KAZN: variants seen among roughly 807,000 people sequenced by gnomAD.
KAZN encodes the protein kazrin, periplakin interacting protein.
A neutral mutation model predicts 87.4 loss-of-function variants in KAZN; 40 were observed. The ratio of observed to expected loss-of-function variants is 0.46; its 90% CI spans 0.36 to 0.60. The LOEUF is 0.60. Among genes scored for constraint, KAZN ranks in the 20% least tolerant of loss-of-function variants. The pLI is 0.00. For missense variants in KAZN, 898 were observed against 1,073.9 expected (o/e 0.84, Z 2.29); for synonymous variants, 466 against 458.3 (o/e 1.02, Z -0.22).
intron 1 of KAZN, among the ~76,000 whole-genome samples, chr1:13,982,321 C>A (rs575413806): frequency 1.3e-5 from 2 of 152,254 alleles, no homozygotes; most frequent in African/African-American, 4.8e-5. Flanking sequence ...TGTTACAGTT[C>A]TTAAGGGAGC....
chr1:14,803,699 CT>C (rs1646113896), intron 1 of KAZN, among the ~76,000 whole-genome samples: 1 of 152,222 alleles, frequency 6.6e-6, no homozygotes, highest in Non-Finnish European at 1.5e-5. Flanking sequence ...ACGACGGCAC[CT>C]CCCGAGCCCT....
At chr1:14,909,565 G>T (rs1224247186) in intron 1 of KAZN, among the ~76,000 whole-genome samples, 1 of 152,158 alleles carries the variant, frequency 6.6e-6, no homozygotes. Flanking sequence ...TGCTGATCTA[G>T]ATTGCATCTT....
chr1:15,067,105 A>T (rs1340392638), intron 8 of KAZN: 1 of 985,640 alleles, frequency 1.0e-6, no homozygotes, highest in Non-Finnish European at 1.2e-6. Context: ...TCCTCCCTGC[A>T]GCTGTGTCTT....
intron 1 of KAZN, among the ~76,000 whole-genome samples, chr1:14,031,383 T>A (rs1006481483): frequency 2.0e-5 from 3 of 152,258 alleles, no homozygotes; most frequent in African/African-American, 7.2e-5. Flanking sequence ...ATTGGCTAGC[T>A]ACCCAGATGA....
At chr1:14,419,855 G>A (rs768030179) in intron 2 of KAZN, among the ~76,000 whole-genome samples, 1 of 152,134 alleles carries the variant, frequency 6.6e-6, no homozygotes, top group Non-Finnish European at 1.5e-5. Flanking sequence ...CACCTTTGCG[G>A]CGAGTATTAC....
intron 1 of KAZN, among the ~76,000 whole-genome samples, chr1:13,952,033 T>A (rs562785990): frequency 6.6e-6 from 1 of 152,326 alleles, no homozygotes; most frequent in Admixed American, 6.5e-5. Flanking sequence ...TTAACCCAGA[T>A]CCCTGCAGGC....
At chr1:14,153,179 G>A (rs12084632) in intron 1 of KAZN, among the ~76,000 whole-genome samples, 37,179 of 151,848 alleles carry the variant, frequency 0.24, 4,757 homozygotes, top group South Asian at 0.34. Flanking sequence ...TTCCTTTGCC[G>A]TGCAGAAGCT....
Position 15,096,694 on chromosome 1 carries a change from A to C in KAZN, c.1547+1761A>C, listed in dbSNP as rs892642442. ...CTCTCTTCCTGGCTTGCAGAAGGCAACCTTCTTGCTGTGTCCTCACATGGG... is the reference window on the plus strand; with the variant it reads ...CTCTCTTCCTGGCTTGCAGAAGGCACCCTTCTTGCTGTGTCCTCACATGGG... On this transcript the variant is annotated intron_variant, in intron 10 of 14. Coordinates refer to ENST00000376030, the MANE Select transcript of KAZN (RefSeq NM_201628.3). The surrounding 1 kb of genome is among the most constrained non-coding windows in gnomAD (Gnocchi z 4.5). Among the ~76,000 whole-genome samples, 5 of 152,156 alleles carry C rather than the reference A, an allele frequency of 3.3e-5. No individual in the cohort carries two copies. Among genetic ancestry groups the C allele is most frequent in the African/African-American group, 9.7e-5 (4 of 41,438 alleles).
At chr1:14,009,800 A>C (rs1208720899) in intron 1 of KAZN, among the ~76,000 whole-genome samples, 1 of 152,206 alleles carries the variant, frequency 6.6e-6, no homozygotes, top group African/African-American at 2.4e-5. Context: ...ACATTCCACA[A>C]TGTGCAAGTA....
intron 1 of KAZN, among the ~76,000 whole-genome samples, chr1:14,826,506 G>C (rs1456428974): frequency 2.0e-5 from 3 of 152,156 alleles, no homozygotes; most frequent in African/African-American, 7.2e-5. Flanking sequence ...TCTACAGAGC[G>C]GCCTTGCTGC....
chr1:15,023,915 T>G (rs375866574), intron 2 of KAZN, among the ~76,000 whole-genome samples: 11 of 139,576 alleles, frequency 7.9e-5, no homozygotes, highest in African/African-American at 1.3e-4. Flanking sequence ...TTTGGGGGGG[T>G]GGTCAAGGAA....
intron 1 of KAZN, among the ~76,000 whole-genome samples, chr1:14,625,064 G>C (rs1216523729): frequency 6.6e-6 from 1 of 152,124 alleles, no homozygotes; most frequent in African/African-American, 2.4e-5. Flanking sequence ...ATTTCTAAGA[G>C]AACTATGTGA....
At chr1:14,389,499 C>G (rs556834571) in intron 2 of KAZN, among the ~76,000 whole-genome samples, 3 of 152,196 alleles carry the variant, frequency 2.0e-5, no homozygotes. Context: ...TACACATACA[C>G]AATGGAGTAC....
chr1:14,843,894 A>G (rs1017481950), intron 1 of KAZN, among the ~76,000 whole-genome samples: 16 of 152,090 alleles, frequency 1.1e-4, no homozygotes, highest in African/African-American at 3.6e-4. Flanking sequence ...CACCAAAGCA[A>G]CTCACTCGAC....
chr1:14,549,079 A>G (rs1673344173), intron 2 of KAZN, among the ~76,000 whole-genome samples: 1 of 152,252 alleles, frequency 6.6e-6, no homozygotes, highest in Non-Finnish European at 1.5e-5. Context: ...TGATTTTGGT[A>G]TACTGATCTT....
chr1:14,784,618 G>A (rs1008387584), intron 1 of KAZN, among the ~76,000 whole-genome samples: 3 of 152,202 alleles, frequency 2.0e-5, no homozygotes, highest in African/African-American at 7.2e-5. Flanking sequence ...AATTAGCCAA[G>A]CGTGGTGGCA....
chr1:14,119,761 C>G (rs1644710699), intron 1 of KAZN, among the ~76,000 whole-genome samples: 1 of 152,064 alleles, frequency 6.6e-6, no homozygotes, highest in Non-Finnish European at 1.5e-5. Flanking sequence ...GACTCTCAGG[C>G]CAAATAACAC....
At chr1:14,500,054 G>A (rs752721180) in intron 2 of KAZN, among the ~76,000 whole-genome samples, 1 of 152,176 alleles carries the variant, frequency 6.6e-6, no homozygotes, top group South Asian at 2.1e-4. Context: ...TGCATTATAT[G>A]TCTTTATGTC....
At chr1:14,878,833 A>T (rs2101090214) in intron 1 of KAZN, among the ~76,000 whole-genome samples, 1 of 152,284 alleles carries the variant, frequency 6.6e-6, no homozygotes, top group South Asian at 2.1e-4. Context: ...TCCCACTGGG[A>T]ATAGGAAAGT....
Sources: allele counts gnomAD v4.1 joint callset (sites outside exome capture counted in the v4.1 genomes callset), GRCh38; gene constraint gnomAD v4.1.1; non-coding constraint Gnocchi (gnomAD v3.1); transcripts MANE v1.5; gene names NCBI Gene and HGNC (gene_info 2026-07-23, HGNC 2026-07-21).